Variants in BMERB1 observed in about 807,000 individuals in gnomAD.
BMERB1 encodes bMERB domain containing 1.
BMERB1 carries 12 observed loss-of-function variants against 23.6 expected under a neutral mutation model. The observed-to-expected ratio is 0.51, with a 90% confidence interval of 0.33 to 0.82. The LOEUF (loss-of-function observed/expected upper bound fraction) is 0.82, where lower values mean the gene tolerates loss of function less well. BMERB1 is among the 40% of genes least tolerant of loss of function. The probability of loss-of-function intolerance (pLI) is 0.03; values close to 1 mark genes in which losing one functional copy is unlikely to be tolerated. For missense variants in BMERB1, 247 were observed against 255.4 expected (o/e 0.97, Z 0.22); for synonymous variants, 122 against 96.6 (o/e 1.26, Z -1.54).
At chr16:15,495,316 C>T (rs1028752320) in intron 1 of BMERB1, among the ~76,000 whole-genome samples, 2 of 152,136 alleles carry the variant, frequency 1.3e-5, no homozygotes, top group Admixed American at 6.5e-5. Flanking sequence ...CTGCCTCAGC[C>T]TCCCAAGTAG....
intron 2 of BMERB1, among the ~76,000 whole-genome samples, chr16:15,562,674 T>C (rs2030456589): frequency 6.6e-6 from 1 of 152,146 alleles, no homozygotes; most frequent in Non-Finnish European, 1.5e-5. Context: ...CACTCAATTA[T>C]AATAACCAAA....
chr16:15,534,298 A>AG (rs1253150661), intron 2 of BMERB1, among the ~76,000 whole-genome samples: 3 of 129,146 alleles, frequency 2.3e-5, no homozygotes, highest in South Asian at 2.9e-4. Flanking sequence ...AAAAAAAAAA[A>AG]AAAAAAAAAA....
chr16:15,440,689 A>G (rs1429386240), intron 1 of BMERB1, among the ~76,000 whole-genome samples: 1 of 152,152 alleles, frequency 6.6e-6, no homozygotes, highest in Non-Finnish European at 1.5e-5. Context: ...CCCAGATCCC[A>G]TTTATTCACT....
intron 1 of BMERB1, among the ~76,000 whole-genome samples, chr16:15,439,748 A>G (rs1283300163): frequency 4.6e-5 from 7 of 152,214 alleles, no homozygotes; most frequent in Non-Finnish European, 7.3e-5. Flanking sequence ...ATATAAAAAT[A>G]CTGCTTTCAA....
chr16:15,453,577 G>C (rs1343842493), intron 1 of BMERB1, among the ~76,000 whole-genome samples: 1 of 151,372 alleles, frequency 6.6e-6, no homozygotes, highest in East Asian at 2.0e-4. Context: ...GTGAGACCCT[G>C]TTCTAAAACT....
chr16:15,453,506 C>T (rs2051059353), intron 1 of BMERB1, among the ~76,000 whole-genome samples: 1 of 152,124 alleles, frequency 6.6e-6, no homozygotes, highest in South Asian at 2.1e-4. Flanking sequence ...CACTTGACTC[C>T]AGGAGTATGA....
chr16:15,526,679 A>T (rs1211144191), intron 2 of BMERB1, among the ~76,000 whole-genome samples: 2 of 150,544 alleles, frequency 1.3e-5, no homozygotes, highest in African/African-American at 4.9e-5. Context: ...AAAAAAAAAA[A>T]AAAAACTAAA....
At chr16:15,566,436 A>G (rs1184364424) in intron 2 of BMERB1, among the ~76,000 whole-genome samples, 4 of 152,224 alleles carry the variant, frequency 2.6e-5, no homozygotes, top group Non-Finnish European at 5.9e-5. Flanking sequence ...CTAGAAATGT[A>G]TTAGGAAACA....
intron 2 of BMERB1, among the ~76,000 whole-genome samples, chr16:15,551,117 G>A (rs748107472): frequency 2.0e-4 from 31 of 152,278 alleles, no homozygotes; most frequent in Middle Eastern, 3.4e-3. Context: ...CTCGAATGAC[G>A]GATGTTTAAT....
At chr16:15,495,623 C>T (rs1206159901) in intron 1 of BMERB1, among the ~76,000 whole-genome samples, 3 of 152,052 alleles carry the variant, frequency 2.0e-5, no homozygotes, top group Non-Finnish European at 4.4e-5. Context: ...ACCTCGGCCT[C>T]CCGAAGTGCT....
At chr16:15,555,558 G>A (rs543715238) in intron 2 of BMERB1, among the ~76,000 whole-genome samples, 5 of 152,298 alleles carry the variant, frequency 3.3e-5, no homozygotes, top group East Asian at 1.9e-4. Flanking sequence ...GTTTGGGAAC[G>A]AGTGTCTGAC....
chr16:15,471,671 G>A (rs922274287), intron 1 of BMERB1, among the ~76,000 whole-genome samples: 3 of 151,982 alleles, frequency 2.0e-5, no homozygotes, highest in East Asian at 3.9e-4. Flanking sequence ...GGTGAGACTT[G>A]ACCTCCTGGG....
At chr16:15,505,701 A>G (rs111833718) in intron 1 of BMERB1, among the ~76,000 whole-genome samples, 4,243 of 151,968 alleles carry the variant, frequency 0.028, 183 homozygotes, top group South Asian at 0.11. Context: ...CATCCTGGCT[A>G]ACATGGTGAA....
At chr16:15,566,374 A>G (rs1233569768) in intron 2 of BMERB1, among the ~76,000 whole-genome samples, 1 of 152,208 alleles carries the variant, frequency 6.6e-6, no homozygotes, top group African/African-American at 2.4e-5. Flanking sequence ...TCCTACTACA[A>G]TGTAAGTGTT....
intron 1 of BMERB1, among the ~76,000 whole-genome samples, chr16:15,497,744 G>C (rs775968505): frequency 5.3e-5 from 8 of 152,284 alleles, no homozygotes; most frequent in Non-Finnish European, 1.0e-4. Flanking sequence ...AAGTCAACAG[G>C]AACAATGATG....
chr16:15,469,958 T>C (rs773630791), intron 1 of BMERB1, among the ~76,000 whole-genome samples: 17 of 152,216 alleles, frequency 1.1e-4, no homozygotes, highest in Non-Finnish European at 4.4e-5. Flanking sequence ...TCCTTCCTAA[T>C]TTGTATGCCT....
chr16:15,482,719 A>G (rs374026301), intron 1 of BMERB1, among the ~76,000 whole-genome samples: 4 of 152,320 alleles, frequency 2.6e-5, no homozygotes, highest in African/African-American at 9.6e-5. Context: ...AAAAGAAAAA[A>G]AGATTGTACA....
At chr16:15,522,259 C>G (rs751343326) in intron 2 of BMERB1, among the ~76,000 whole-genome samples, 1 of 152,140 alleles carries the variant, frequency 6.6e-6, no homozygotes, top group Admixed American at 6.5e-5. Flanking sequence ...GGTAGGCGTG[C>G]GAAGGACATA....
chr16:15,520,044 C>T lies in BMERB1; in HGVS notation c.230+4616C>T, dbSNP rs562883262. Among the ~76,000 whole-genome samples the T allele has an allele frequency of 2.0e-5, 3 of 152,212 alleles. No individual in the cohort carries two copies. In the East Asian group the frequency reaches 5.8e-4, roughly 29 times the overall value. ...TATGCCACCCTGAGTGCTACGTCCC[C>T]TGCATGCATTCACCCCTTAATTTTA... On this transcript the variant is annotated intron_variant, in intron 2 of 5. Transcript: ENST00000300006.
Sources: allele counts gnomAD v4.1 joint callset (sites outside exome capture counted in the v4.1 genomes callset), GRCh38; gene constraint gnomAD v4.1.1; transcripts MANE v1.5; gene names NCBI Gene and HGNC (gene_info 2026-07-23, HGNC 2026-07-21).